The following BACC1 variants were observed in gnomAD, a reference collection of about 807,000 sequenced individuals.
BACC1 encodes BPTF-associated chromatin complex component 1.
the BACC1 span, chr17:7,017,412 C>T: frequency 8.1e-7 from 1 of 1,229,602 alleles, no homozygotes; most frequent in Non-Finnish European, 1.2e-6. Context: ...GGCTGAAAGG[C>T]TGCTGGGGCT....
At chr17:7,016,575 G>A in the BACC1 span, 3 of 1,614,060 alleles carry the variant, frequency 1.9e-6, no homozygotes, top group African/African-American at 2.7e-5. Flanking sequence ...CCCAAGAAAG[G>A]GCCCAAGAAG....
At chr17:7,017,418 G>C in the BACC1 span, 1 of 1,187,194 alleles carries the variant, frequency 8.4e-7, no homozygotes, top group Non-Finnish European at 1.3e-6. Context: ...AAGGCTGCTG[G>C]GGCTGCCACC....
chr17:7,017,388 C>G, the BACC1 span: 1 of 1,474,274 alleles, frequency 6.8e-7, no homozygotes, highest in Non-Finnish European at 9.5e-7. Flanking sequence ...CCGAGCAAGG[C>G]CTGCACGAGA....
At chr17:7,014,893 G>A in the BACC1 span, 3 of 1,522,226 alleles carry the variant, frequency 2.0e-6, no homozygotes, top group South Asian at 2.4e-5. This position sits in a 1 kb window ranked among gnomAD's most constrained non-coding sequence, Gnocchi z 4.5. Flanking sequence ...GACCTCCCTC[G>A]CGGACAGCGC....
At chr17:7,016,660 T>TC in the BACC1 span, 1 of 1,611,416 alleles carries the variant, frequency 6.2e-7, no homozygotes, top group South Asian at 1.1e-5. Context: ...AGGCCGGGGG[T>TC]CCCCCCATAA....
At chr17:7,015,220 G>C in the BACC1 span, 8 of 1,498,130 alleles carry the variant, frequency 5.3e-6, 1 homozygote, top group Non-Finnish European at 7.1e-6. Context: ...TCACAGACAC[G>C]GACCCTCTCT....
the BACC1 span, chr17:7,017,204 G>A: frequency 6.2e-7 from 1 of 1,613,636 alleles, no homozygotes; most frequent in Non-Finnish European, 8.5e-7. Flanking sequence ...GAGTGGCCTT[G>A]GAAGCACACT....
the BACC1 span, chr17:7,016,918 C>T: frequency 6.2e-7 from 1 of 1,613,668 alleles, no homozygotes; most frequent in African/African-American, 1.3e-5. Flanking sequence ...AGATGTGACA[C>T]TCAGTGCTCT....
the BACC1 span, chr17:7,014,989 G>C: frequency 7.0e-7 from 1 of 1,429,166 alleles, no homozygotes; most frequent in Non-Finnish European, 9.1e-7. The surrounding 1 kb of genome is among the most constrained non-coding windows in gnomAD (Gnocchi z 4.5). Context: ...GCCGAGCCTG[G>C]GGTGGGGCTA....
At chr17:7,015,004 C>A in the BACC1 span, 1 of 1,417,978 alleles carries the variant, frequency 7.1e-7, no homozygotes, top group Non-Finnish European at 9.2e-7. Flanking sequence ...GGGCTAGGGG[C>A]TCCGGGCGGG....
the BACC1 span, chr17:7,016,630 C>T: frequency 1.9e-6 from 3 of 1,614,120 alleles, no homozygotes; most frequent in Non-Finnish European, 2.5e-6. Context: ...CCCCTCCTCC[C>T]AGCAGCTCCA....
chr17:7,016,558 T>G, the BACC1 span: 6 of 1,614,056 alleles, frequency 3.7e-6, no homozygotes, highest in Non-Finnish European at 5.1e-6. Context: ...CCCTTCCAGC[T>G]GAGTCACCCA....
chr17:7,015,328 A>C, the BACC1 span: 59 of 1,375,420 alleles, frequency 4.3e-5, no homozygotes, highest in Non-Finnish European at 4.7e-5. Context: ...GACAGATAAA[A>C]ATACAGACAG....
At chr17:7,015,114 T>A in the BACC1 span, 1 of 1,582,758 alleles carries the variant, frequency 6.3e-7, no homozygotes, top group Non-Finnish European at 8.5e-7. Flanking sequence ...CTCGGGGAGC[T>A]GACGATGCAG....
At chr17:7,014,834 CTCCGTGAG>C in the BACC1 span, 2 of 1,529,266 alleles carry the variant, frequency 1.3e-6, no homozygotes, top group Non-Finnish European at 1.8e-6. The surrounding 1 kb of genome is among the most constrained non-coding windows in gnomAD (Gnocchi z 4.5). Flanking sequence ...GCGGCGGCGT[CTCCGTGAG>C]GAGGCGCGCG....
chr17:7,016,622 C>T, the BACC1 span: 1 of 1,614,096 alleles, frequency 6.2e-7, no homozygotes, highest in Admixed American at 1.7e-5. Context: ...TCCAGCTGCC[C>T]CTCCTCCCAG....
chr17:7,016,499 C>T, the BACC1 span: 1 of 1,612,776 alleles, frequency 6.2e-7, no homozygotes, highest in South Asian at 1.1e-5. Context: ...CTTCAGGGCC[C>T]AGATAAAGGC....
the BACC1 span, chr17:7,015,843 T>C: frequency 6.2e-7 from 1 of 1,613,954 alleles, no homozygotes; most frequent in Non-Finnish European, 8.5e-7. Flanking sequence ...ACGATCTTAA[T>C]CACATCAGCT....
the BACC1 span, chr17:7,014,822 C>A: frequency 6.6e-7 from 1 of 1,526,084 alleles, no homozygotes; most frequent in East Asian, 2.6e-5. This position sits in a 1 kb window ranked among gnomAD's most constrained non-coding sequence, Gnocchi z 4.5. Flanking sequence ...CGTGTAGCGG[C>A]GGCGGCGGCG....
Sources: gnomAD v4.1 joint callset for allele counts on GRCh38, gnomAD v4.1.1 for gene constraint, Gnocchi (gnomAD v3.1) non-coding constraint, MANE v1.5 for transcripts, NCBI Gene and HGNC (gene_info 2026-07-23, HGNC 2026-07-21) for gene names.